The following AMMECR1 variants were observed in gnomAD, a reference collection of about 807,000 sequenced individuals.
The protein encoded by AMMECR1 is AMMECR nuclear protein 1, also known as nuclear protein AMMECR1.
A neutral mutation model predicts 22.5 loss-of-function variants in AMMECR1; 3 were observed. The ratio of observed to expected loss-of-function variants is 0.13; its 90% confidence interval spans 0.06 to 0.35. The LOEUF (loss-of-function observed/expected upper bound fraction) is 0.35, where lower values mean the gene tolerates loss of function less well. Ranked by LOEUF, AMMECR1 falls within the 10% of genes least tolerant of loss-of-function variation. AMMECR1 has a pLI of 1.00. For synonymous variants in AMMECR1, 130 were observed against 116.7 expected (o/e 1.11, Z -0.74); for missense variants, 235 against 278.7 (o/e 0.84, Z 1.12).
intron 1 of AMMECR1, among the ~76,000 whole-genome samples, chrX:110,290,209 T>A (rs1216168374): frequency 8.9e-6 from 1 of 111,968 alleles, no homozygotes; most frequent in Non-Finnish European, 1.9e-5. Flanking sequence ...TATTTATGTG[T>A]TGCTAGCAAA....
chrX:110,239,296 C>T (rs1352728254), intron 2 of AMMECR1, among the ~76,000 whole-genome samples: 1 of 110,309 alleles, frequency 9.1e-6, no homozygotes, highest in Admixed American at 9.6e-5. Context: ...AAGCTAAGAA[C>T]CTTGAAAAAA....
intron 3 of AMMECR1, among the ~76,000 whole-genome samples, chrX:110,206,113 C>T (rs2067420462): frequency 8.9e-6 from 1 of 112,169 alleles, no homozygotes; most frequent in Non-Finnish European, 1.9e-5. Flanking sequence ...TCCACCTGGC[C>T]TCAGCCCCAT....
chrX:110,319,337 G>C (rs2068070188), upstream of AMMECR1, among the ~76,000 whole-genome samples: 1 of 112,442 alleles, frequency 8.9e-6, no homozygotes, highest in Non-Finnish European at 1.9e-5. Context: ...AAAAACTGCA[G>C]ATTGATTTTT....
chrX:110,348,241 A>G lies in AMMECR1; in HGVS notation c.-147-30392T>C, dbSNP rs1420545765. ...ATAAGCTTTTCAAGGCTTTTGTTGA[A>G]CTTACTGATTTCGACTTCAGTCTTC... On this transcript the variant is annotated intron_variant, in intron 2 of 7. Coordinates refer to the AMMECR1 transcript ENST00000372057. Among the ~76,000 whole-genome samples the G allele has an allele frequency of 2.7e-5, 3 of 112,019 alleles. No individual in the cohort carries two copies. The East Asian group carries it at 8.3e-4, about 31-fold the overall frequency.
chrX:110,258,915 T>C (rs1299613480), intron 2 of AMMECR1, among the ~76,000 whole-genome samples: 1 of 111,774 alleles, frequency 8.9e-6, no homozygotes, highest in Non-Finnish European at 1.9e-5. Context: ...ATAAAAATGA[T>C]CACACGATGG....
upstream of AMMECR1, among the ~76,000 whole-genome samples, chrX:110,320,870 A>G (rs980351506): frequency 2.7e-5 from 3 of 112,309 alleles, no homozygotes; most frequent in Admixed American, 1.9e-4. Context: ...ACTTTGTTGT[A>G]TTGGCTGACT....
chrX:110,287,578 G>A (rs2067886989), intron 1 of AMMECR1, among the ~76,000 whole-genome samples: 1 of 111,411 alleles, frequency 9.0e-6, no homozygotes, highest in Non-Finnish European at 1.9e-5. Flanking sequence ...CAGAATACCC[G>A]ACCTCAACAA....
intron 2 of AMMECR1, among the ~76,000 whole-genome samples, chrX:110,227,025 G>C (rs1464074167): frequency 1.8e-5 from 2 of 111,638 alleles, no homozygotes; most frequent in Admixed American, 1.9e-4. Context: ...TCCACAGTTT[G>C]AAACTTAATC....
At chrX:110,388,473 T>C (rs1429638845) in intron 2 of AMMECR1, among the ~76,000 whole-genome samples, 1 of 111,497 alleles carries the variant, frequency 9.0e-6, no homozygotes, top group Non-Finnish European at 1.9e-5. Context: ...AGGGAGGAGA[T>C]CATTATGTAG....
chrX:110,273,351 G>T (rs1433502341), intron 1 of AMMECR1, among the ~76,000 whole-genome samples: 1 of 111,433 alleles, frequency 9.0e-6, no homozygotes, highest in Non-Finnish European at 1.9e-5. Context: ...TTTTAATGGG[G>T]TTTTTCCCCT....
chrX:110,380,878 T>C (rs1177792429), intron 2 of AMMECR1, among the ~76,000 whole-genome samples: 2 of 112,408 alleles, frequency 1.8e-5, no homozygotes, highest in African/African-American at 3.2e-5. Context: ...GGTGCTGGGA[T>C]AACTGGCATA....
intron 2 of AMMECR1, among the ~76,000 whole-genome samples, chrX:110,339,410 A>AT (rs1399750431): frequency 9.2e-6 from 1 of 108,265 alleles, no homozygotes; most frequent in Non-Finnish European, 1.9e-5. Flanking sequence ...GTAAAAAAAA[A>AT]AAAAAAAAAA....
At chrX:110,424,058 C>A (rs1322311452) in intron 2 of AMMECR1, among the ~76,000 whole-genome samples, 1 of 111,559 alleles carries the variant, frequency 9.0e-6, no homozygotes, top group Non-Finnish European at 1.9e-5. Context: ...CTTATTTCAT[C>A]CTCACCACAA....
intron 2 of AMMECR1, among the ~76,000 whole-genome samples, chrX:110,227,236 CAT>C (rs2067538530): frequency 8.9e-6 from 1 of 112,083 alleles, no homozygotes; most frequent in Non-Finnish European, 1.9e-5. Flanking sequence ...AACTGCAAAA[CAT>C]GTGTTGTCAC....
intron 1 of AMMECR1, among the ~76,000 whole-genome samples, chrX:110,439,077 AG>A (rs1295986672): frequency 1.8e-5 from 2 of 111,596 alleles, no homozygotes; most frequent in Non-Finnish European, 3.8e-5. Context: ...GGAAGAGGGT[AG>A]GTAGCAGGGC....
chrX:110,233,522 G>A (rs1009961743), intron 2 of AMMECR1, among the ~76,000 whole-genome samples: 4 of 111,442 alleles, frequency 3.6e-5, no homozygotes, highest in Admixed American at 9.5e-5. Flanking sequence ...TGGCAGAGAC[G>A]CAACAAAAAA....
Position 110,370,738 on chromosome X carries a change from C to G in AMMECR1, c.-147-52889G>C, listed in dbSNP as rs1448776105. Among the ~76,000 whole-genome samples, 7 of 112,391 alleles carry G rather than the reference C, an allele frequency of 6.2e-5. No individual in the cohort carries two copies. In the Admixed American group the frequency reaches 6.6e-4, roughly 11 times the overall value. ...AAGTGGATCAGATGTGAGACAACGG[C>G]AAGTGGTGGGACCTGTGGAGTCCAC... On this transcript the variant is annotated intron_variant, in intron 2 of 7. Coordinates refer to the AMMECR1 transcript ENST00000372057.
rs762892443 is a variant in AMMECR1, at chrX:110,384,341, G to T, written c.-148+42317C>A. Among the ~76,000 whole-genome samples, 4 of 110,846 alleles carry T rather than the reference G, an allele frequency of 3.6e-5. No homozygotes were observed. In the Admixed American group the frequency reaches 3.8e-4, roughly 11 times the overall value. On this transcript the variant is annotated intron_variant, in intron 2 of 7. Transcript: ENST00000372057. ...TTGGATCTTGATTCTGCTCATAATTGTTGTATGATCTCAATCTTCCTGAGC... is the reference window on the plus strand; with the variant it reads ...TTGGATCTTGATTCTGCTCATAATTTTTGTATGATCTCAATCTTCCTGAGC...
chrX:110,415,458 C>T (rs2068670546), intron 2 of AMMECR1, among the ~76,000 whole-genome samples: 1 of 111,521 alleles, frequency 9.0e-6, no homozygotes, highest in Non-Finnish European at 1.9e-5. Context: ...TTTAGTGCTG[C>T]TTTTGGATTG....
Sources: gnomAD v4.1 joint callset for allele counts (sites outside exome capture counted in the v4.1 genomes callset) on GRCh38, gnomAD v4.1.1 for gene constraint, MANE v1.5 for transcripts, NCBI Gene and HGNC (gene_info 2026-07-23, HGNC 2026-07-21) for gene names.